The following CMTR1 variants were observed in gnomAD, a reference collection of about 807,000 sequenced individuals.
CMTR1 encodes cap methyltransferase 1.
A neutral mutation model predicts 107.0 loss-of-function variants in CMTR1; 39 were observed. The observed-to-expected ratio is 0.36, with a 90% CI of 0.28 to 0.48. The LOEUF (loss-of-function observed/expected upper bound fraction) is 0.48, where lower values mean the gene tolerates loss of function less well. CMTR1 is among the 20% of genes least tolerant of loss of function. CMTR1 has a pLI of 0.99. For synonymous variants in CMTR1, 366 were observed against 379.5 expected (o/e 0.96, Z 0.41); for missense variants, 672 against 1,064.9 (o/e 0.63, Z 5.14).
intron 23 of CMTR1, 54 bp downstream of exon 23, chr6:37,479,309 A>G: frequency 8.0e-7 from 1 of 1,252,534 alleles, no homozygotes; most frequent in Non-Finnish European, 1.2e-6. Flanking sequence ...GTACTCCTGC[A>G]GGATGCCAGC....
intron 1 of CMTR1, among the ~76,000 whole-genome samples, chr6:37,434,069 T>G (rs1001827957): frequency 6.6e-6 from 1 of 152,224 alleles, no homozygotes; most frequent in African/African-American, 2.4e-5. Context: ...GCAAGCTCTG[T>G]GATGAGCCTT....
intron 8 of CMTR1, among the ~76,000 whole-genome samples, chr6:37,455,313 A>G (rs780301919): frequency 2.6e-5 from 4 of 152,166 alleles, no homozygotes; most frequent in African/African-American, 7.2e-5. Context: ...TCCCGACCTA[A>G]GGTGATCCGC....
At chr6:37,461,901 C>G (rs914123868) in intron 11 of CMTR1, 69 bp from the exon 12 acceptor site, 2 of 1,559,776 alleles carry the variant, frequency 1.3e-6, no homozygotes, top group African/African-American at 2.7e-5. Context: ...ATATTTACTC[C>G]CAAGACTACT....
chr6:37,475,323 G>T lies in CMTR1; in HGVS notation c.1947G>T (p.Gly649=). The T allele has an allele frequency of 6.2e-7, 1 of 1,613,258 alleles. No homozygotes were observed. The highest frequency in any genetic ancestry group is 8.5e-7 in the Non-Finnish European group (1 of 1,179,532). ...VEIVHELKGE[G]KAQRKISAIH... is the part of the protein sequence containing the mutation. ...AGTGTACCTACTTATCCTTCTAGGGGAAGGCCCAGAGGAAGATCAGTGCCA... is the reference window on the plus strand; with the variant it reads ...AGTGTACCTACTTATCCTTCTAGGGTAAGGCCCAGAGGAAGATCAGTGCCA... The change falls in exon 19 of 24, where the codon GGG becomes GGT. Residue 649 remains glycine, a splice_region_variant and synonymous_variant. Transcript: ENST00000373451.
chr6:37,472,520 T>C lies in CMTR1; in HGVS notation c.1689+33T>C, dbSNP rs750721087. The stretch of plus-strand genomic sequence containing the variant: ...TGGTATCTGTGGTGGACATAAAAAG[T>C]TAGAGATCTGTCTCTAGATGTGGAT... On this transcript the variant is annotated intron_variant, in intron 16 of 23. Coordinates refer to ENST00000373451, the MANE Select transcript of CMTR1 (RefSeq NM_015050.3). This position sits in a 1 kb window ranked among gnomAD's most constrained non-coding sequence, Gnocchi z 4.1. The C allele has an allele frequency of 3.7e-6, 6 of 1,600,530 alleles. No homozygotes were observed. In the South Asian group the frequency reaches 5.5e-5, roughly 15 times the overall value.
At chr6:37,437,214 A>ATT (rs34814443) in intron 2 of CMTR1, among the ~76,000 whole-genome samples, 2 of 139,878 alleles carry the variant, frequency 1.4e-5, no homozygotes, top group Non-Finnish European at 3.1e-5. Flanking sequence ...TTTTTGGGGG[A>ATT]TTTTTTTTTT....
chr6:37,429,252 G>A (rs569366843), upstream of CMTR1, among the ~76,000 whole-genome samples: 18 of 151,922 alleles, frequency 1.2e-4, no homozygotes, highest in Admixed American at 8.5e-4. Flanking sequence ...ATTTCCATTC[G>A]GTTCTTTCTG....
intron 8 of CMTR1, among the ~76,000 whole-genome samples, chr6:37,455,193 T>G (rs1761265540): frequency 6.6e-6 from 1 of 152,104 alleles, no homozygotes; most frequent in Non-Finnish European, 1.5e-5. Context: ...CACGTGATTC[T>G]CCTGCCTCAG....
intron 8 of CMTR1, among the ~76,000 whole-genome samples, chr6:37,454,448 T>C (rs943211521): frequency 6.6e-6 from 1 of 152,122 alleles, no homozygotes; most frequent in African/African-American, 2.4e-5. Context: ...GAAAATTAGG[T>C]TGATATAATG....
In CMTR1 at chr6:37,435,681, A is replaced by C; in HGVS notation, c.52A>C (p.Lys18Gln). The change falls in exon 2 of 24, where the codon AAA (lysine) becomes CAA (glutamine). Residue 18 changes from lysine to glutamine, a missense_variant. By Grantham distance (53) the Lys-to-Gln change is moderately conservative. Transcript: ENST00000373451. ...ECTAPIKKQK[K>Q]RVAELALSLS... ...CACTGCCCCCATCAAGAAACAGAAA[A>C]AAAGAGTTGCAGAGCTTGCCCTGAG... 1 of 1,602,830 alleles carries C rather than the reference A, an allele frequency of 6.2e-7. No homozygotes were observed. The highest frequency in any genetic ancestry group is 8.5e-7 in the Non-Finnish European group (1 of 1,175,730).
intron 4 of CMTR1, among the ~76,000 whole-genome samples, chr6:37,447,124 A>T (rs1025181710): frequency 2.6e-5 from 4 of 152,210 alleles, no homozygotes; most frequent in Admixed American, 6.5e-5. Flanking sequence ...TAACATTGAG[A>T]TATTACCATT....
chr6:37,443,877 A>C (rs1771726006), intron 2 of CMTR1, 122 bp from the exon 3 acceptor site: 2 of 1,093,730 alleles, frequency 1.8e-6, no homozygotes, highest in African/African-American at 1.6e-5. Context: ...ACCTTGGGTC[A>C]TTTAATGAAC....
intron 5 of CMTR1, among the ~76,000 whole-genome samples, 164 bp from the exon 6 acceptor site, chr6:37,451,642 G>A (rs145600064): frequency 2.2e-4 from 34 of 152,304 alleles, no homozygotes; most frequent in African/African-American, 7.7e-4. Context: ...AGAATAGCCA[G>A]AGGGATTTAG....
the CMTR1 span, among the ~76,000 whole-genome samples, chr6:37,426,081 A>G: frequency 1.3e-5 from 2 of 152,106 alleles, no homozygotes; most frequent in African/African-American, 2.4e-5. Flanking sequence ...TCTAGTGAGT[A>G]TATTTTATTT....
rs988135259 is a variant in CMTR1 at position 37,481,321 on chromosome 6, T to G, written c.*1176T>G. ...CATCCCAGTGCCAGGCTGGTTTCCATGGAGATAGGGCACTGAGGCTCCCGT... is the reference window on the plus strand; with the variant it reads ...CATCCCAGTGCCAGGCTGGTTTCCAGGGAGATAGGGCACTGAGGCTCCCGT... On this transcript the variant is annotated 3_prime_UTR_variant, in exon 24 of 24. Transcript: ENST00000373451. The G allele has an allele frequency of 4.1e-6, 5 of 1,208,416 alleles. No homozygotes were observed. Among genetic ancestry groups the G allele is most frequent in the Non-Finnish European group, 5.3e-6 (5 of 951,884 alleles). 74.9% of individuals were successfully genotyped at this position (1,208,416 alleles called of 1,614,324 possible).
Position 37,479,993 on chromosome 6 carries a change from C to G in CMTR1, c.2376-20C>G. On this transcript the variant is annotated intron_variant, in intron 23 of 23. Transcript: ENST00000373451. The stretch of plus-strand genomic sequence containing the variant: ...ATCTGGGTGCAGTCCTGACCTCTTT[C>G]CCATCCCTCTCCTCCCCAGCATTTG... The G allele has an allele frequency of 6.4e-7, 1 of 1,558,992 alleles. No individual in the cohort carries two copies. The highest frequency in any genetic ancestry group is 8.6e-7 in the Non-Finnish European group (1 of 1,158,460).
At chr6:37,443,874 G>A in intron 2 of CMTR1, 125 bp from the exon 3 acceptor site, 5 of 1,044,600 alleles carry the variant, frequency 4.8e-6, no homozygotes, top group Non-Finnish European at 6.7e-6. Context: ...TTGACCTTGG[G>A]TCATTTAATG....
chr6:37,430,398 A>G (rs1336604483), upstream of CMTR1, among the ~76,000 whole-genome samples: 7 of 120,394 alleles, frequency 5.8e-5, no homozygotes, highest in South Asian at 5.2e-4. Flanking sequence ...TTATATATAT[A>G]TGTGTGTGTG....
chr6:37,475,694 A>G, intron 19 of CMTR1: 1 of 540,630 alleles, frequency 1.8e-6, no homozygotes, highest in Non-Finnish European at 3.3e-6. Flanking sequence ...GTTGAGCAAG[A>G]GGGTGACCTT....
Sources: gnomAD v4.1 joint callset for allele counts (sites outside exome capture counted in the v4.1 genomes callset) on GRCh38, gnomAD v4.1.1 for gene constraint, Gnocchi (gnomAD v3.1) non-coding constraint, MANE v1.5 for transcripts, NCBI Gene and HGNC (gene_info 2026-07-23, HGNC 2026-07-21) for gene names.